The following PLXDC2 variants were observed in gnomAD, a reference collection of about 807,000 sequenced individuals.
PLXDC2 encodes the protein plexin domain-containing protein 2.
A neutral mutation model predicts 68.9 loss-of-function variants in PLXDC2; 40 were observed. The ratio of observed to expected loss-of-function variants is 0.58; its 90% CI spans 0.45 to 0.76. PLXDC2 has a LOEUF of 0.76. Ranked by LOEUF, PLXDC2 falls within the 30% of genes least tolerant of loss-of-function variation. The probability of loss-of-function intolerance (pLI) is 0.00; values close to 1 mark genes in which losing one functional copy is unlikely to be tolerated. For synonymous variants in PLXDC2, 243 were observed against 234.2 expected, an observed-to-expected ratio of 1.04 and a Z score of -0.34; for missense variants, 644 against 661.9, an observed-to-expected ratio of 0.97 and a Z score of 0.30.
intron 9 of PLXDC2, among the ~76,000 whole-genome samples, chr10:20,204,839 T>C (rs1834970268): frequency 6.6e-6 from 1 of 152,122 alleles, no homozygotes; most frequent in Admixed American, 6.6e-5. Flanking sequence ...TCTGGTCCTT[T>C]ACAAAAAAAG....
chr10:20,083,131 C>T (rs7101334), intron 4 of PLXDC2, among the ~76,000 whole-genome samples: 31,381 of 151,932 alleles, frequency 0.21, 3,924 homozygotes, highest in African/African-American at 0.35. Flanking sequence ...GGCTGGAGAT[C>T]AGGAGTAGGA....
chr10:19,858,332 T>C (rs1837253868), intron 1 of PLXDC2, among the ~76,000 whole-genome samples: 1 of 152,206 alleles, frequency 6.6e-6, no homozygotes, highest in African/African-American at 2.4e-5. Flanking sequence ...TGAGGTGTAC[T>C]ATCTACTCCT....
intron 4 of PLXDC2, among the ~76,000 whole-genome samples, chr10:20,076,093 G>T (rs1836443322): frequency 6.6e-6 from 1 of 152,162 alleles, no homozygotes; most frequent in Non-Finnish European, 1.5e-5. Context: ...TGAAAATAAA[G>T]GGTGTCTAAG....
rs553132172 is a variant in PLXDC2, at chr10:20,265,703, G to A, written c.1474-14000G>A. ...TAAAAAGATATAGATATTTGTAGAA[G>A]AGCAGGCTAACTACTTACTATAATT... On this transcript the variant is annotated intron_variant, in intron 13 of 13. Transcript: ENST00000377252. Among the ~76,000 whole-genome samples, 14 of 152,304 alleles carry A rather than the reference G, an allele frequency of 9.2e-5. No homozygotes were observed. The South Asian group carries it at 1.2e-3, about 14-fold the overall frequency.
At chr10:19,972,035 G>A (rs35731102) in intron 1 of PLXDC2, among the ~76,000 whole-genome samples, 7,010 of 152,210 alleles carry the variant, frequency 0.046, 220 homozygotes, top group Middle Eastern at 0.075. Flanking sequence ...TGGGGAATGG[G>A]AGAGCAGTTC....
chr10:20,012,304 T>C (rs1835129296), intron 2 of PLXDC2, among the ~76,000 whole-genome samples: 2 of 7,880 alleles, frequency 2.5e-4, no homozygotes, highest in Admixed American at 1.4e-3. Flanking sequence ...TCTCTCTCTC[T>C]TTTTTATTTT....
At chr10:19,964,376 A>G (rs966690372) in intron 1 of PLXDC2, among the ~76,000 whole-genome samples, 2 of 152,224 alleles carry the variant, frequency 1.3e-5, no homozygotes, top group Non-Finnish European at 2.9e-5. Flanking sequence ...TTATGAGAGC[A>G]AAATGGAGTT....
chr10:19,878,478 G>A (rs1009769326), intron 1 of PLXDC2, among the ~76,000 whole-genome samples: 5 of 152,140 alleles, frequency 3.3e-5, no homozygotes, highest in African/African-American at 9.7e-5. Context: ...TAGTAAATAC[G>A]ATCTTGAGTC....
intron 12 of PLXDC2, among the ~76,000 whole-genome samples, chr10:20,235,781 A>G (rs1444073380): frequency 1.3e-5 from 2 of 152,238 alleles, no homozygotes; most frequent in African/African-American, 4.8e-5. Flanking sequence ...ATTCATCCTT[A>G]TAATCTCAGG....
At chr10:20,212,763 C>T (rs1332482431) in intron 10 of PLXDC2, among the ~76,000 whole-genome samples, 1 of 152,108 alleles carries the variant, frequency 6.6e-6, no homozygotes, top group Non-Finnish European at 1.5e-5. Flanking sequence ...CTATAACCAA[C>T]CTTTTGGCAT....
In PLXDC2 at chr10:20,280,333, T is replaced by C. The variant is rs1337180952; in HGVS notation, c.*514T>C. 6.5e-5 allele frequency: 10 copies of C among 152,938 alleles called. No individual in the cohort carries two copies. The highest frequency in any genetic ancestry group is 2.4e-4 in the African/African-American group (10 of 41,546). The allele number at this position is 152,938 out of a possible 1,614,324, so 9.5% of individuals were successfully genotyped here. On this transcript the variant is annotated 3_prime_UTR_variant, in exon 14 of 14. Transcript: ENST00000377252. ...TGCAAGAGTGAGAACAAACACAAAA[T>C]AAGAGATTTTCTACATTTTCAAAAC...
At chr10:19,923,960 A>T (rs991594279) in intron 1 of PLXDC2, among the ~76,000 whole-genome samples, 4 of 152,116 alleles carry the variant, frequency 2.6e-5, no homozygotes, top group Non-Finnish European at 5.9e-5. Context: ...ACTCCTTGGG[A>T]GGCTGAAGGG....
chr10:20,243,041 A>G (rs557113227), intron 12 of PLXDC2, among the ~76,000 whole-genome samples: 23 of 152,112 alleles, frequency 1.5e-4, no homozygotes, highest in African/African-American at 5.6e-4. Flanking sequence ...TGTTTTTTAC[A>G]TTAGTTTTTC....
At chr10:20,069,141 A>T (rs1277558438) in intron 4 of PLXDC2, among the ~76,000 whole-genome samples, 1 of 152,042 alleles carries the variant, frequency 6.6e-6, no homozygotes, top group Non-Finnish European at 1.5e-5. Context: ...TGGTGTGGAG[A>T]CCATGTTAAG....
chr10:19,970,085 G>C (rs1834325963), intron 1 of PLXDC2, among the ~76,000 whole-genome samples: 1 of 152,168 alleles, frequency 6.6e-6, no homozygotes, highest in Non-Finnish European at 1.5e-5. Flanking sequence ...CTGTCCCCCA[G>C]CCTCTTCCCT....
chr10:20,226,108 T>C (rs1487378321), intron 12 of PLXDC2, among the ~76,000 whole-genome samples: 2 of 152,230 alleles, frequency 1.3e-5, no homozygotes, highest in African/African-American at 4.8e-5. Flanking sequence ...TATTGGTCCA[T>C]TGGTCCTCAC....
intron 9 of PLXDC2, among the ~76,000 whole-genome samples, chr10:20,189,532 C>T (rs1834734640): frequency 1.7e-5 from 1 of 57,898 alleles, no homozygotes; most frequent in Non-Finnish European, 4.0e-5. Flanking sequence ...TATATACACA[C>T]ACATATATAT....
chr10:19,836,339 A>G (rs1213893580), intron 1 of PLXDC2, among the ~76,000 whole-genome samples: 1 of 152,122 alleles, frequency 6.6e-6, no homozygotes, highest in African/African-American at 2.4e-5. Context: ...TGAGTTGAGA[A>G]TCTATACTAG....
intron 3 of PLXDC2, among the ~76,000 whole-genome samples, chr10:20,057,714 G>C (rs1481658202): frequency 6.6e-6 from 1 of 152,064 alleles, no homozygotes; most frequent in Admixed American, 6.6e-5. Flanking sequence ...TGTCTGAAAA[G>C]AAATGCCAAG....
Sources: gnomAD v4.1 joint callset for allele counts (sites outside exome capture counted in the v4.1 genomes callset) on GRCh38, gnomAD v4.1.1 for gene constraint, MANE v1.5 for transcripts, NCBI Gene and HGNC (gene_info 2026-07-23, HGNC 2026-07-21) for gene names.